Variants in SLC44A5 observed in about 807,000 individuals in gnomAD.
SLC44A5 encodes the protein choline transporter-like protein 5.
In SLC44A5, 57 loss-of-function variants were observed where a neutral mutation model predicts 101.8. The observed-to-expected ratio is 0.56, with a 90% CI of 0.45 to 0.70. The LOEUF is 0.70. SLC44A5 is among the 30% of genes least tolerant of loss of function. The probability of loss-of-function intolerance (pLI) is 0.00; values close to 1 mark genes in which losing one functional copy is unlikely to be tolerated. For synonymous variants in SLC44A5, 281 were observed against 290.9 expected (o/e 0.97, Z 0.35); for missense variants, 737 against 853.1 (o/e 0.86, Z 1.70).
chr1:75,642,085 A>G, the SLC44A5 span: 1 of 1,228,658 alleles, frequency 8.1e-7, no homozygotes, highest in South Asian at 1.3e-5. Context: ...GGGCTTCACT[A>G]ATTTTTTATT....
At chr1:75,414,324 TAC>T (rs35421682) in intron 2 of SLC44A5, among the ~76,000 whole-genome samples, 39,205 of 145,622 alleles carry the variant, frequency 0.27, 5,114 homozygotes, top group African/African-American at 0.3. Flanking sequence ...CATATCCACA[TAC>T]ACACACACAC....
intron 2 of SLC44A5, among the ~76,000 whole-genome samples, chr1:75,419,618 C>A (rs1389764779): frequency 1.3e-5 from 2 of 151,990 alleles, no homozygotes; most frequent in African/African-American, 4.8e-5. Flanking sequence ...AATAAGTTCT[C>A]TGTCAGAAAG....
chr1:75,356,207 C>A (rs1032269751), intron 3 of SLC44A5, among the ~76,000 whole-genome samples: 1 of 83,176 alleles, frequency 1.2e-5, no homozygotes, highest in Non-Finnish European at 2.4e-5. Flanking sequence ...GCAAGACTGC[C>A]TCAAAAAAAA....
intron 2 of SLC44A5, among the ~76,000 whole-genome samples, chr1:75,512,317 C>T (rs546826815): frequency 4.6e-5 from 7 of 152,206 alleles, no homozygotes; most frequent in African/African-American, 9.6e-5. Context: ...AAGTTTACTC[C>T]GAGCCGAAGG....
At chr1:75,522,562 G>A (rs1670190920) in intron 2 of SLC44A5, among the ~76,000 whole-genome samples, 1 of 151,878 alleles carries the variant, frequency 6.6e-6, no homozygotes, top group African/African-American at 2.4e-5. Context: ...CAGTGCTGGT[G>A]GATTAACTCC....
At chr1:75,549,447 C>A (rs1671821348) in intron 1 of SLC44A5, among the ~76,000 whole-genome samples, 1 of 152,128 alleles carries the variant, frequency 6.6e-6, no homozygotes, top group Non-Finnish European at 1.5e-5. Context: ...TCTTAGTACA[C>A]CTCTATCACG....
chr1:75,562,579 T>A (rs748799653), intron 1 of SLC44A5, among the ~76,000 whole-genome samples: 1 of 151,992 alleles, frequency 6.6e-6, no homozygotes, highest in East Asian at 1.9e-4. Flanking sequence ...GCACCTGTAC[T>A]CCTAGCTACT....
chr1:75,284,972 T>G (rs1039913852), intron 5 of SLC44A5, among the ~76,000 whole-genome samples: 1 of 152,124 alleles, frequency 6.6e-6, no homozygotes, highest in Admixed American at 6.5e-5. Context: ...ATAGATTTTT[T>G]GTGTGTGTTA....
At chr1:75,586,287 A>G (rs1673986224) in intron 1 of SLC44A5, among the ~76,000 whole-genome samples, 2 of 151,882 alleles carry the variant, frequency 1.3e-5, no homozygotes, top group Admixed American at 6.6e-5. Context: ...TGGGTCTCCA[A>G]TTTGCAGACA....
intron 1 of SLC44A5, among the ~76,000 whole-genome samples, chr1:75,547,701 A>C (rs894502835): frequency 6.6e-6 from 1 of 152,190 alleles, no homozygotes; most frequent in Non-Finnish European, 1.5e-5. Context: ...CAAACAAACA[A>C]AACACCCAGG....
chr1:75,600,759 G>C (rs1014782325), intron 1 of SLC44A5, among the ~76,000 whole-genome samples: 4 of 152,028 alleles, frequency 2.6e-5, no homozygotes, highest in African/African-American at 7.2e-5. Flanking sequence ...GTGGTGTTCT[G>C]TGCAGATATA....
At chr1:75,495,710 T>C (rs1224788838) in intron 2 of SLC44A5, among the ~76,000 whole-genome samples, 6 of 149,916 alleles carry the variant, frequency 4.0e-5, no homozygotes, top group Non-Finnish European at 8.9e-5. Flanking sequence ...AAGAAAAAAA[T>C]GAAAAAGAGT....
chr1:75,709,509 G>A, the SLC44A5 span, among the ~76,000 whole-genome samples: 14 of 152,176 alleles, frequency 9.2e-5, no homozygotes, highest in Non-Finnish European at 2.1e-4. Flanking sequence ...GTATGATAGT[G>A]GGGAGAATGA....
At chr1:75,371,151 G>C (rs1210091243) in intron 3 of SLC44A5, among the ~76,000 whole-genome samples, 1 of 152,178 alleles carries the variant, frequency 6.6e-6, no homozygotes, top group Non-Finnish European at 1.5e-5. Context: ...CGTGCAGCAA[G>C]GATGTGTCAA....
intron 1 of SLC44A5, among the ~76,000 whole-genome samples, chr1:75,606,941 C>A (rs211675): frequency 6.6e-6 from 1 of 151,594 alleles, no homozygotes; most frequent in Non-Finnish European, 1.5e-5. Flanking sequence ...CAGCCCTGGG[C>A]TCAGATCATT....
chr1:75,425,857 C>T (rs913092227), intron 2 of SLC44A5, among the ~76,000 whole-genome samples: 11 of 152,180 alleles, frequency 7.2e-5, no homozygotes, highest in African/African-American at 2.2e-4. Flanking sequence ...CAGGTTTAGC[C>T]GTCAGCACTC....
chr1:75,417,889 C>G (rs1663757726), intron 2 of SLC44A5, among the ~76,000 whole-genome samples: 1 of 152,190 alleles, frequency 6.6e-6, no homozygotes, highest in Admixed American at 6.5e-5. Flanking sequence ...GTGCATTTCT[C>G]AAAATCAGCA....
At chr1:75,417,242 G>C (rs1303534545) in intron 2 of SLC44A5, among the ~76,000 whole-genome samples, 1 of 152,176 alleles carries the variant, frequency 6.6e-6, no homozygotes, top group African/African-American at 2.4e-5. Flanking sequence ...CACGAGATCT[G>C]ATGGTTTTAA....
intron 1 of SLC44A5, among the ~76,000 whole-genome samples, chr1:75,599,171 G>A (rs1674824060): frequency 6.6e-6 from 1 of 152,106 alleles, no homozygotes; most frequent in Admixed American, 6.6e-5. Flanking sequence ...TTGGATTAAA[G>A]GATAAATTGC....
Sources: gnomAD v4.1 joint callset for allele counts (sites outside exome capture counted in the v4.1 genomes callset) on GRCh38, gnomAD v4.1.1 for gene constraint, MANE v1.5 for transcripts, NCBI Gene and HGNC (gene_info 2026-07-23, HGNC 2026-07-21) for gene names.